The following ADAM10 variants were observed in gnomAD, a reference collection of about 807,000 sequenced individuals.
The protein encoded by ADAM10 is disintegrin and metalloproteinase domain-containing protein 10.
Under a neutral mutation model 90.1 loss-of-function variants are expected in ADAM10, and 17 were observed. The observed-to-expected ratio is 0.19, with a 90% CI of 0.13 to 0.28. ADAM10 has a LOEUF of 0.28. Ranked by LOEUF, ADAM10 falls within the 10% of genes least tolerant of loss-of-function variation. The pLI is 1.00. For synonymous variants in ADAM10, 310 were observed against 298.6 expected, an observed-to-expected ratio of 1.04 and a Z score of -0.40; for missense variants, 610 against 914.3, an observed-to-expected ratio of 0.67 and a Z score of 4.29.
At chr15:58,719,954 C>T (rs1317979230) in intron 1 of ADAM10, among the ~76,000 whole-genome samples, 1 of 152,152 alleles carries the variant, frequency 6.6e-6, no homozygotes, top group Non-Finnish European at 1.5e-5. Context: ...TCATCTCTTC[C>T]CCCTTCCTCC....
At chr15:58,686,750 T>C (rs149582211) in intron 2 of ADAM10, 40 of 577,152 alleles carry the variant, frequency 6.9e-5, no homozygotes, top group Admixed American at 5.6e-4. Context: ...CCCCGTCCTA[T>C]AGCCAAAATC....
At chr15:58,615,886 T>C (rs974326357) in intron 11 of ADAM10, among the ~76,000 whole-genome samples, 12 of 152,070 alleles carry the variant, frequency 7.9e-5, no homozygotes, top group Non-Finnish European at 1.8e-4. Context: ...TACATGCCTG[T>C]AGTCCCAGCT....
At chr15:58,641,164 A>AG (rs572643131) in intron 7 of ADAM10, among the ~76,000 whole-genome samples, 43 of 152,234 alleles carry the variant, frequency 2.8e-4, no homozygotes, top group Admixed American at 1.4e-3. Flanking sequence ...TAAAAAAGAA[A>AG]GGCTAGGTAG....
chr15:58,699,108 GAA>G (rs1296868055), intron 2 of ADAM10, among the ~76,000 whole-genome samples: 1 of 152,162 alleles, frequency 6.6e-6, no homozygotes, highest in Non-Finnish European at 1.5e-5. Context: ...TTTCTCAGCA[GAA>G]TCCTTACAGG....
chr15:58,663,615 A>T (rs977158990), intron 5 of ADAM10, among the ~76,000 whole-genome samples: 3 of 152,118 alleles, frequency 2.0e-5, no homozygotes, highest in African/African-American at 7.2e-5. Flanking sequence ...TGTGTATTGG[A>T]CTACCATTGA....
At chr15:58,630,444 G>A (rs1896071946) in intron 9 of ADAM10, among the ~76,000 whole-genome samples, 1 of 152,146 alleles carries the variant, frequency 6.6e-6, no homozygotes, top group Non-Finnish European at 1.5e-5. Flanking sequence ...CAAACATTAA[G>A]ATAAGGAAAT....
intron 14 of ADAM10, chr15:58,609,074 G>C (rs1895361912): frequency 6.6e-6 from 1 of 152,120 alleles, no homozygotes; most frequent in African/African-American, 2.4e-5. Flanking sequence ...TGAAGTCACA[G>C]AATTGATAAA....
At chr15:58,660,172 C>G (rs1896933627) in intron 5 of ADAM10, among the ~76,000 whole-genome samples, 1 of 152,000 alleles carries the variant, frequency 6.6e-6, no homozygotes, top group African/African-American at 2.4e-5. Flanking sequence ...AAACAATTAG[C>G]TATTTTCTTT....
intron 2 of ADAM10, among the ~76,000 whole-genome samples, chr15:58,686,166 G>C (rs1897596002): frequency 6.6e-6 from 1 of 152,154 alleles, no homozygotes. Flanking sequence ...ACTCCACAAA[G>C]GTGGGCCCAA....
chr15:58,636,088 C>A (rs1566975409), intron 8 of ADAM10, among the ~76,000 whole-genome samples: 1 of 152,052 alleles, frequency 6.6e-6, no homozygotes, highest in South Asian at 2.1e-4. Flanking sequence ...ACCAGCATAA[C>A]CAACATGTTG....
intron 2 of ADAM10, among the ~76,000 whole-genome samples, chr15:58,710,236 C>A (rs1332382736): frequency 6.6e-6 from 1 of 152,156 alleles, no homozygotes; most frequent in Non-Finnish European, 1.5e-5. Flanking sequence ...CAAGATCACA[C>A]CACTACACCC....
chr15:58,644,566 G>T (rs1414763350), intron 6 of ADAM10, among the ~76,000 whole-genome samples: 6 of 152,174 alleles, frequency 3.9e-5, no homozygotes, highest in African/African-American at 1.4e-4. Flanking sequence ...TAAAAATTTT[G>T]TTTCCTCAAT....
At chr15:58,659,735 CTT>C (rs1186611369) in intron 5 of ADAM10, among the ~76,000 whole-genome samples, 1 of 152,038 alleles carries the variant, frequency 6.6e-6, no homozygotes, top group Non-Finnish European at 1.5e-5. Context: ...GAAGTTTTCT[CTT>C]TCTTTTTTTG....
intron 11 of ADAM10, among the ~76,000 whole-genome samples, chr15:58,617,022 T>G (rs1895634215): frequency 6.6e-6 from 1 of 151,988 alleles, no homozygotes; most frequent in Non-Finnish European, 1.5e-5. Context: ...GGCAGGAGAA[T>G]GGCGTGAATC....
At chr15:58,686,024 T>C (rs75048788) in intron 2 of ADAM10, among the ~76,000 whole-genome samples, 3,863 of 151,892 alleles carry the variant, frequency 0.025, 68 homozygotes, top group Non-Finnish European at 0.039. Context: ...TTTCAGACAA[T>C]AGACAACAAG....
chr15:58,733,456 C>G (rs746032428), intron 1 of ADAM10, among the ~76,000 whole-genome samples: 1 of 152,090 alleles, frequency 6.6e-6, no homozygotes, highest in Non-Finnish European at 1.5e-5. Context: ...AGCCAGTTTC[C>G]GAATCAGCCA....
At chr15:58,695,666 G>A (rs1037210144) in intron 2 of ADAM10, among the ~76,000 whole-genome samples, 6 of 41,372 alleles carry the variant, frequency 1.5e-4, no homozygotes, top group African/African-American at 4.8e-4. Context: ...CTGGCCAACA[G>A]AGCAAGACTT....
chr15:58,746,494 C>T (rs1480823773), intron 1 of ADAM10, among the ~76,000 whole-genome samples: 4 of 152,048 alleles, frequency 2.6e-5, no homozygotes, highest in Non-Finnish European at 1.5e-5. Context: ...GGGACTGTGC[C>T]GGAAATGGGC....
intron 2 of ADAM10, among the ~76,000 whole-genome samples, chr15:58,709,270 G>T (rs532909921): frequency 6.6e-6 from 1 of 152,144 alleles, no homozygotes; most frequent in African/African-American, 2.4e-5. Flanking sequence ...TATGAATCTA[G>T]ATAAAATCTG....
Sources: gnomAD v4.1 joint callset for allele counts (sites outside exome capture counted in the v4.1 genomes callset) on GRCh38, gnomAD v4.1.1 for gene constraint, MANE v1.5 for transcripts, NCBI Gene and HGNC (gene_info 2026-07-23, HGNC 2026-07-21) for gene names.